Variants in YAP1 observed in about 807,000 individuals in gnomAD.
YAP1 encodes Yes1 associated transcriptional regulator, also known as transcriptional coactivator YAP1.
In YAP1, 5 loss-of-function variants were observed where a neutral mutation model predicts 56.9. The ratio of observed to expected loss-of-function variants is 0.09; its 90% CI spans 0.05 to 0.18. The LOEUF (loss-of-function observed/expected upper bound fraction) is 0.18. YAP1 is among the 10% of genes least tolerant of loss of function. The pLI, the probability that YAP1 is intolerant of heterozygous loss-of-function variation, is 1.00. For missense variants in YAP1, 539 were observed against 651.8 expected, an observed-to-expected ratio of 0.83 and a Z score of 1.88; for synonymous variants, 265 against 248.1, an observed-to-expected ratio of 1.07 and a Z score of -0.64.
intron 6 of YAP1, among the ~76,000 whole-genome samples, chr11:102,213,797 G>T (rs1949532310): frequency 6.6e-6 from 1 of 151,992 alleles, no homozygotes; most frequent in Non-Finnish European, 1.5e-5. Flanking sequence ...AATTCTTGAG[G>T]CAGGGCACAG....
chr11:102,212,406 C>A (rs1949446307), intron 6 of YAP1, among the ~76,000 whole-genome samples: 1 of 151,966 alleles, frequency 6.6e-6, no homozygotes, highest in Non-Finnish European at 1.5e-5. Context: ...ATGAAAAATT[C>A]CAAGATCCAT....
chr11:102,203,746 G>A (rs1010123120), intron 4 of YAP1, among the ~76,000 whole-genome samples: 1 of 152,132 alleles, frequency 6.6e-6, no homozygotes, highest in Non-Finnish European at 1.5e-5. Context: ...TTAAATGTAA[G>A]TCACCATAGA....
chr11:102,162,987 ATT>A (rs34380636), intron 3 of YAP1, among the ~76,000 whole-genome samples: 90 of 130,130 alleles, frequency 6.9e-4, no homozygotes, highest in African/African-American at 9.2e-4. Flanking sequence ...TTTTTTTTTC[ATT>A]TTTTTTTTTT....
chr11:102,212,386 G>T (rs1184637796), intron 6 of YAP1, among the ~76,000 whole-genome samples: 3 of 151,970 alleles, frequency 2.0e-5, no homozygotes, highest in Non-Finnish European at 4.4e-5. Context: ...CGTCAGTATG[G>T]GTGAGGTTAA....
chr11:102,180,643 C>G (rs1429768467), intron 3 of YAP1, among the ~76,000 whole-genome samples: 2 of 138,900 alleles, frequency 1.4e-5, no homozygotes, highest in East Asian at 4.4e-4. Flanking sequence ...GATCATGCCA[C>G]TGCACTCCAG....
chr11:102,161,651 G>T (rs1254893067), intron 2 of YAP1, among the ~76,000 whole-genome samples: 1 of 152,024 alleles, frequency 6.6e-6, no homozygotes, highest in Non-Finnish European at 1.5e-5. Flanking sequence ...ACTTTTTAAG[G>T]TAGTTTTATT....
At chr11:102,126,210 T>A (rs905183717) in intron 2 of YAP1, among the ~76,000 whole-genome samples, 1 of 152,182 alleles carries the variant, frequency 6.6e-6, no homozygotes, top group African/African-American at 2.4e-5. Context: ...AGGTTGACTA[T>A]AGGAAGTTGC....
chr11:102,117,510 AGTT>A lies in YAP1; in HGVS notation c.572+3121_572+3123del, dbSNP rs1591112645. On this transcript the variant is annotated intron_variant, in intron 2 of 8. Transcript: ENST00000282441. ...ACTTAGAAATGTTAAGAAACAACCC[AGTT>A]GTTGGCCTTGTGACCATAGATGATT... Among the ~76,000 whole-genome samples, 3 of 152,356 alleles carry A rather than the reference AGTT, an allele frequency of 2.0e-5. No individual in the cohort carries two copies. In the South Asian group the frequency reaches 6.2e-4, roughly 32 times the overall value.
At chr11:102,139,146 T>G (rs1424989759) in intron 2 of YAP1, among the ~76,000 whole-genome samples, 1 of 151,884 alleles carries the variant, frequency 6.6e-6, no homozygotes, top group African/African-American at 2.4e-5. Flanking sequence ...TTTTAAACAG[T>G]GAATCAGATT....
intron 2 of YAP1, among the ~76,000 whole-genome samples, chr11:102,125,567 T>C (rs1943986266): frequency 6.7e-6 from 1 of 150,026 alleles, no homozygotes; most frequent in Admixed American, 6.6e-5. Flanking sequence ...TTAGTAGAGA[T>C]GGGGATTCAC....
intron 2 of YAP1, among the ~76,000 whole-genome samples, chr11:102,147,802 A>G (rs1393147858): frequency 2.0e-5 from 3 of 152,108 alleles, no homozygotes; most frequent in Admixed American, 2.0e-4. Flanking sequence ...AGTTATTTTC[A>G]ACAGCTTTTA....
chr11:102,181,120 C>G (rs1001089550), intron 3 of YAP1, among the ~76,000 whole-genome samples: 1 of 151,856 alleles, frequency 6.6e-6, no homozygotes, highest in African/African-American at 2.4e-5. Context: ...GCACTCCATC[C>G]TGGGTGACAG....
At chr11:102,191,080 G>A (rs549485887) in intron 4 of YAP1, among the ~76,000 whole-genome samples, 2 of 151,812 alleles carry the variant, frequency 1.3e-5, no homozygotes, top group South Asian at 2.1e-4. Context: ...GGCTGAGGCA[G>A]GAGAATCGCT....
At chr11:102,153,478 C>A (rs1296132468) in intron 2 of YAP1, among the ~76,000 whole-genome samples, 1 of 152,160 alleles carries the variant, frequency 6.6e-6, no homozygotes, top group Non-Finnish European at 1.5e-5. Flanking sequence ...TGTCAGTCTT[C>A]TCACCTTAAA....
intron 2 of YAP1, among the ~76,000 whole-genome samples, chr11:102,119,732 T>C (rs1328564167): frequency 2.6e-5 from 4 of 152,206 alleles, no homozygotes; most frequent in South Asian, 2.1e-4. Flanking sequence ...AGAAAAATAA[T>C]GTGAATTCAC....
chr11:102,166,303 A>G (rs1181922049), intron 3 of YAP1, among the ~76,000 whole-genome samples: 10 of 152,022 alleles, frequency 6.6e-5, no homozygotes, highest in African/African-American at 2.2e-4. Context: ...AATTACATAC[A>G]CTTGTCTGTT....
chr11:102,223,270 A>AG lies in YAP1; in HGVS notation c.1033-352_1033-351insG, dbSNP rs1332878473. ...TTGAAGAACAAAAAAAAAAAAAAAA[A>AG]AAGAAGAATTTTTTTTTAAAGACCA... On this transcript the variant is annotated intron_variant, in intron 6 of 8. Coordinates refer to ENST00000282441, the MANE Select transcript of YAP1 (RefSeq NM_001130145.3). 6.8e-4 allele frequency among the ~76,000 whole-genome samples: 100 copies of AG among 147,976 alleles called. 2 individuals are homozygous for AG. Among genetic ancestry groups the AG allele is most frequent in the East Asian group, 6.6e-3 (33 of 5,032 alleles).
intron 2 of YAP1, among the ~76,000 whole-genome samples, chr11:102,128,340 CATG>C (rs1165168051): frequency 1.3e-5 from 2 of 152,232 alleles, no homozygotes; most frequent in East Asian, 3.9e-4. Context: ...GTGCTATTCT[CATG>C]ATAATGAATA....
At chr11:102,205,813 T>C (rs1949090953) in intron 4 of YAP1, 80 bp from the exon 5 acceptor site, 1 of 1,361,848 alleles carries the variant, frequency 7.3e-7, no homozygotes, top group South Asian at 2.0e-5. Flanking sequence ...TATCCCAAAT[T>C]GCTTTTGAAT....
Sources: allele counts gnomAD v4.1 joint callset (sites outside exome capture counted in the v4.1 genomes callset), GRCh38; gene constraint gnomAD v4.1.1; transcripts MANE v1.5; gene names NCBI Gene and HGNC (gene_info 2026-07-23, HGNC 2026-07-21).